The following RAB38 variants were observed in gnomAD, a reference collection of about 807,000 sequenced individuals.
RAB38 encodes the protein ras-related protein Rab-38.
RAB38 carries 15 observed loss-of-function variants against 18.4 expected under a neutral mutation model. The ratio of observed to expected loss-of-function variants is 0.82; its 90% CI spans 0.55 to 1.26. The LOEUF (loss-of-function observed/expected upper bound fraction) is 1.26, where lower values mean the gene tolerates loss of function less well. Ranked by LOEUF, RAB38 falls within the 50% of genes most tolerant of loss-of-function variation. The pLI is 0.00. For synonymous variants in RAB38, 101 were observed against 104.4 expected (o/e 0.97, Z 0.20); for missense variants, 294 against 267.4 (o/e 1.10, Z -0.69).
chr11:87,889,018 A>G, the RAB38 span, among the ~76,000 whole-genome samples: 1 of 151,976 alleles, frequency 6.6e-6, no homozygotes, highest in African/African-American at 2.4e-5. Context: ...TCTAAAGGGA[A>G]AAACACACAG....
the RAB38 span, among the ~76,000 whole-genome samples, chr11:87,881,898 A>G: frequency 6.6e-6 from 1 of 151,872 alleles, no homozygotes; most frequent in East Asian, 2.0e-4. Flanking sequence ...CTCAATGAGC[A>G]AAGGGCTGGT....
chr11:88,091,911 T>C, the RAB38 span, among the ~76,000 whole-genome samples: 1 of 151,896 alleles, frequency 6.6e-6, no homozygotes, highest in Admixed American at 6.6e-5. Flanking sequence ...CACTTTCAAT[T>C]ACATGCAAAT....
At chr11:87,967,191 C>T in the RAB38 span, among the ~76,000 whole-genome samples, 3 of 152,150 alleles carry the variant, frequency 2.0e-5, no homozygotes, top group African/African-American at 7.2e-5. Flanking sequence ...TTTTGAGAAG[C>T]ATTTGTATCT....
At chr11:88,168,484 C>T (rs1943270214) in intron 1 of RAB38, among the ~76,000 whole-genome samples, 1 of 152,098 alleles carries the variant, frequency 6.6e-6, no homozygotes, top group Non-Finnish European at 1.5e-5. Context: ...CATCAGATCA[C>T]TTTTCAATGA....
At chr11:87,805,029 C>G in the RAB38 span, among the ~76,000 whole-genome samples, 62 of 152,200 alleles carry the variant, frequency 4.1e-4, no homozygotes, top group African/African-American at 1.0e-3. Context: ...ATTTTAAAAG[C>G]CTGTTTTGGA....
At chr11:87,914,967 C>T in the RAB38 span, among the ~76,000 whole-genome samples, 14 of 152,132 alleles carry the variant, frequency 9.2e-5, no homozygotes, top group African/African-American at 3.4e-4. Flanking sequence ...CAGCCTCCAC[C>T]TAGATTTCAG....
intron 1 of RAB38, among the ~76,000 whole-genome samples, chr11:88,160,920 C>T (rs1458429505): frequency 6.6e-6 from 1 of 152,034 alleles, no homozygotes; most frequent in Non-Finnish European, 1.5e-5. Flanking sequence ...CCCCAAAGCT[C>T]AACATCATGC....
intron 1 of RAB38, 83 bp from the exon 2 acceptor site, chr11:88,150,038 G>A: frequency 7.1e-7 from 1 of 1,400,346 alleles, no homozygotes. Flanking sequence ...CCTCCAAGAT[G>A]AGCAAGTCAA....
the RAB38 span, among the ~76,000 whole-genome samples, chr11:88,007,853 G>C: frequency 7.2e-5 from 11 of 152,132 alleles, no homozygotes; most frequent in East Asian, 1.9e-3. Context: ...GTATCAACTG[G>C]AAAAATAGAT....
At chr11:87,819,812 A>G in the RAB38 span, among the ~76,000 whole-genome samples, 1 of 149,628 alleles carries the variant, frequency 6.7e-6, no homozygotes, top group Non-Finnish European at 1.5e-5. Context: ...ATATATATAT[A>G]TATCCATCCA....
chr11:88,017,357 AG>A, the RAB38 span, among the ~76,000 whole-genome samples: 1 of 77,244 alleles, frequency 1.3e-5, no homozygotes, highest in East Asian at 3.8e-4. Context: ...TATAATATAT[AG>A]ACACATACAC....
At position 88,175,337 on chromosome 11, in the gene RAB38, G is replaced by T; in HGVS notation, c.48C>A (p.Gly16=). Residue 16 remains glycine (G), a synonymous_variant, in exon 1 of 3, where the codon GGC becomes GGA. Coordinates refer to ENST00000243662, the MANE Select transcript of RAB38 (RefSeq NM_022337.3). ...KEHLYKLLVI[G]DLGVGKTSII... ...TACTGGTCTTCCCCACGCCCAGGTC[G>T]CCAATCACCAGCAACTTGTACAGGT... The T allele has an allele frequency of 6.2e-7, 1 of 1,614,202 alleles. No homozygotes were observed. Among genetic ancestry groups the T allele is most frequent in the Non-Finnish European group, 8.5e-7 (1 of 1,180,034 alleles).
chr11:87,898,841 G>A, the RAB38 span, among the ~76,000 whole-genome samples: 1 of 151,606 alleles, frequency 6.6e-6, no homozygotes, highest in Non-Finnish European at 1.5e-5. Flanking sequence ...AGGAACAGGT[G>A]CCAAAAATGT....
chr11:88,102,871 C>T, the RAB38 span, among the ~76,000 whole-genome samples: 1 of 152,044 alleles, frequency 6.6e-6, no homozygotes, highest in Non-Finnish European at 1.5e-5. Context: ...AACCCACTCT[C>T]TTCTAATAAA....
chr11:88,013,924 A>G, the RAB38 span, among the ~76,000 whole-genome samples: 10 of 152,296 alleles, frequency 6.6e-5, no homozygotes, highest in African/African-American at 2.2e-4. Flanking sequence ...TTCCTGCTCA[A>G]TAAATAATAC....
At chr11:88,057,455 T>C in the RAB38 span, among the ~76,000 whole-genome samples, 2 of 150,900 alleles carry the variant, frequency 1.3e-5, no homozygotes, top group Non-Finnish European at 1.5e-5. Flanking sequence ...TTACTTTCAT[T>C]AGTCTATCAA....
At chr11:88,142,060 T>C (rs1942922081) in intron 2 of RAB38, among the ~76,000 whole-genome samples, 1 of 104,884 alleles carries the variant, frequency 9.5e-6, no homozygotes. Flanking sequence ...TGTAGATAGC[T>C]CTCTGAGTGA....
chr11:87,942,362 T>C, the RAB38 span, among the ~76,000 whole-genome samples: 1 of 152,136 alleles, frequency 6.6e-6, no homozygotes, highest in Non-Finnish European at 1.5e-5. Context: ...AAATTTTTCA[T>C]TGTAAACCTG....
At chr11:88,043,074 G>A in the RAB38 span, among the ~76,000 whole-genome samples, 3 of 152,002 alleles carry the variant, frequency 2.0e-5, no homozygotes, top group Non-Finnish European at 4.4e-5. Flanking sequence ...CTATGCAAAC[G>A]TAACAAGTAT....
Sources: allele counts gnomAD v4.1 joint callset (sites outside exome capture counted in the v4.1 genomes callset), GRCh38; gene constraint gnomAD v4.1.1; transcripts MANE v1.5; gene names NCBI Gene and HGNC (gene_info 2026-07-23, HGNC 2026-07-21).